GFRA1: variants seen among roughly 807,000 people sequenced by gnomAD.
GFRA1 encodes the protein GDNF family receptor alpha-1.
GFRA1 carries 16 observed loss-of-function variants against 51.6 expected under a neutral mutation model. The ratio of observed to expected loss-of-function variants is 0.31; its 90% CI spans 0.21 to 0.47. The LOEUF (loss-of-function observed/expected upper bound fraction) is 0.47, where lower values mean the gene tolerates loss of function less well. GFRA1 is among the 20% of genes least tolerant of loss of function. The pLI is 1.00. For synonymous variants in GFRA1, 270 were observed against 241.3 expected (o/e 1.12, Z -1.10); for missense variants, 530 against 594.3 (o/e 0.89, Z 1.13).
At chr10:116,130,629 A>T (rs1958067864) in intron 5 of GFRA1, among the ~76,000 whole-genome samples, 1 of 152,088 alleles carries the variant, frequency 6.6e-6, no homozygotes, top group Non-Finnish European at 1.5e-5. Flanking sequence ...GATTTTTTTG[A>T]AAGCAACACT....
intron 5 of GFRA1, among the ~76,000 whole-genome samples, chr10:116,203,614 C>A (rs1964507176): frequency 6.6e-6 from 1 of 152,156 alleles, no homozygotes; most frequent in Non-Finnish European, 1.5e-5. Flanking sequence ...ACATGCTCAA[C>A]CATTCATGAA....
At chr10:116,218,866 G>C (rs1317388251) in intron 4 of GFRA1, among the ~76,000 whole-genome samples, 1 of 152,156 alleles carries the variant, frequency 6.6e-6, no homozygotes, top group African/African-American at 2.4e-5. Context: ...GTAGGCCGGA[G>C]AAAGTTCTCT....
In GFRA1 at chr10:116,154,762, C is replaced by T. The variant is rs1028327718; in HGVS notation, c.434-29205G>A. On this transcript the variant is annotated intron_variant, in intron 5 of 10. Transcript: ENST00000355422. Reference sequence around the variant, plus strand: ...GCCTTCATCACAAGCCCTTATTGAGCACCTACAGTATGCCAGGTCCTAGGC... The same window carrying T: ...GCCTTCATCACAAGCCCTTATTGAGTACCTACAGTATGCCAGGTCCTAGGC... 2.0e-5 allele frequency among the ~76,000 whole-genome samples: 3 copies of T among 152,214 alleles called. No homozygotes were observed. In the East Asian group the frequency reaches 5.8e-4, roughly 29 times the overall value.
chr10:116,255,285 G>A (rs1199669730), intron 4 of GFRA1, among the ~76,000 whole-genome samples: 22 of 152,124 alleles, frequency 1.4e-4, no homozygotes, highest in Admixed American at 1.4e-3. Flanking sequence ...CATTGTTTCT[G>A]AAACTGAGTA....
chr10:116,218,862 C>G (rs1221224522), intron 4 of GFRA1, among the ~76,000 whole-genome samples: 5 of 152,136 alleles, frequency 3.3e-5, no homozygotes, highest in Non-Finnish European at 5.9e-5. Context: ...GGATGTAGGC[C>G]GGAGAAAGTT....
intron 4 of GFRA1, among the ~76,000 whole-genome samples, chr10:116,214,914 T>C (rs1965454598): frequency 6.6e-6 from 1 of 152,230 alleles, no homozygotes; most frequent in South Asian, 2.1e-4. Flanking sequence ...GGAGTAACTA[T>C]TTGTATCTTC....
chr10:116,079,107 T>C (rs1345714598), intron 9 of GFRA1, among the ~76,000 whole-genome samples: 1 of 151,848 alleles, frequency 6.6e-6, no homozygotes, highest in Non-Finnish European at 1.5e-5. Flanking sequence ...CAGAAGGTGA[T>C]GGTGTGAGGA....
chr10:116,250,131 T>G (rs536755912), intron 4 of GFRA1, among the ~76,000 whole-genome samples: 5 of 152,126 alleles, frequency 3.3e-5, no homozygotes, highest in Non-Finnish European at 7.3e-5. Flanking sequence ...TGTCTTTAGA[T>G]CTATGACCCA....
chr10:116,161,874 G>A (rs1959844224), intron 5 of GFRA1, among the ~76,000 whole-genome samples: 1 of 152,176 alleles, frequency 6.6e-6, no homozygotes, highest in African/African-American at 2.4e-5. Flanking sequence ...TGCCATTTGT[G>A]CAAAAGAAAA....
At position 116,066,178 on chromosome 10, in the gene GFRA1, C is replaced by A. The variant is rs374871741; in HGVS notation, c.1198-552G>T. On this transcript the variant is annotated intron_variant, in intron 9 of 10. Transcript: ENST00000355422. ...CTTCAGTCAACAAACCCTTACTGAG[C>A]ACCTACTGTTTACCAATGCTGGGTA... 1.2e-4 allele frequency among the ~76,000 whole-genome samples: 18 copies of A among 152,268 alleles called. No homozygotes were observed. In the East Asian group the frequency reaches 1.9e-3, roughly 16 times the overall value.
intron 4 of GFRA1, among the ~76,000 whole-genome samples, chr10:116,242,343 C>A (rs958680193): frequency 1.3e-5 from 2 of 152,200 alleles, no homozygotes; most frequent in Non-Finnish European, 2.9e-5. Flanking sequence ...AGCAGAGATA[C>A]TTCTTTTTAA....
At position 116,057,560 on chromosome 10, in the gene GFRA1, G is replaced by A. The variant is rs1183612827; in HGVS notation, c.*6838C>T. 2 of 152,056 alleles carry A rather than the reference G, an allele frequency of 1.3e-5. No homozygotes were observed. The highest frequency in any genetic ancestry group is 2.9e-5 in the Non-Finnish European group (2 of 68,022). 9.4% of individuals were successfully genotyped at this position (152,056 alleles called of 1,614,324 possible). A position where few individuals can be genotyped will look rare whatever the true frequency, so the allele number is the denominator to read the frequency against. On this transcript the variant is annotated 3_prime_UTR_variant, in exon 11 of 11. Coordinates refer to ENST00000355422, the MANE Select transcript of GFRA1 (RefSeq NM_005264.8). ...CTCACACAGCTTCTCAGCAGGAGTT[G>A]GATTAAACTGAGAAAATAATTTTAA...
At chr10:116,186,444 C>T (rs1962725465) in intron 5 of GFRA1, among the ~76,000 whole-genome samples, 1 of 152,090 alleles carries the variant, frequency 6.6e-6, no homozygotes, top group African/African-American at 2.4e-5. Context: ...GTCAATTGAG[C>T]AGGCACACTT....
intron 5 of GFRA1, among the ~76,000 whole-genome samples, chr10:116,169,395 A>G (rs1477613643): frequency 6.6e-6 from 1 of 152,274 alleles, no homozygotes. Flanking sequence ...TCCACCCTCA[A>G]GCTGGACCTG....
chr10:116,103,625 G>A (rs1490214521), intron 6 of GFRA1, among the ~76,000 whole-genome samples: 1 of 152,164 alleles, frequency 6.6e-6, no homozygotes, highest in Admixed American at 6.5e-5. Flanking sequence ...CTAAATATCA[G>A]TAAGTTTGTT....
chr10:116,101,567 G>A (rs1216189196), intron 6 of GFRA1, among the ~76,000 whole-genome samples: 4 of 152,082 alleles, frequency 2.6e-5, no homozygotes, highest in Non-Finnish European at 4.4e-5. Flanking sequence ...ATAATATCTA[G>A]GAGAATTGTC....
In GFRA1 at chr10:116,061,538, C is replaced by T. The variant is rs959449654; in HGVS notation, c.*2860G>A. On this transcript the variant is annotated 3_prime_UTR_variant, in exon 11 of 11. Coordinates refer to ENST00000355422, the MANE Select transcript of GFRA1 (RefSeq NM_005264.8). ...CTTCTAATCAGTGTGGCAATACTGCCTTTATTCCCCCTCTCTTTCTCTCTG... is the reference window on the plus strand; with the variant it reads ...CTTCTAATCAGTGTGGCAATACTGCTTTTATTCCCCCTCTCTTTCTCTCTG... The T allele has an allele frequency of 1.3e-5, 2 of 154,764 alleles. No homozygotes were observed. The highest frequency in any genetic ancestry group is 4.8e-5 in the African/African-American group (2 of 41,560). The allele number at this position is 154,764 out of a possible 1,614,324, so 9.6% of individuals were successfully genotyped here.
At chr10:116,265,658 GAGATGC>G (rs772905904) in intron 4 of GFRA1, among the ~76,000 whole-genome samples, 6 of 152,204 alleles carry the variant, frequency 3.9e-5, no homozygotes, top group Non-Finnish European at 7.3e-5. Context: ...TCGGCCGGGA[GAGATGC>G]AGATGCTAAA....
At chr10:116,164,417 G>A (rs963562769) in intron 5 of GFRA1, among the ~76,000 whole-genome samples, 14 of 151,730 alleles carry the variant, frequency 9.2e-5, no homozygotes, top group Non-Finnish European at 7.4e-5. Flanking sequence ...TCTCTTTTGT[G>A]CTCTTGGTCT....
Sources: gnomAD v4.1 joint callset for allele counts (sites outside exome capture counted in the v4.1 genomes callset) on GRCh38, gnomAD v4.1.1 for gene constraint, MANE v1.5 for transcripts, NCBI Gene and HGNC (gene_info 2026-07-23, HGNC 2026-07-21) for gene names.